Variants in SLC2A9 observed in about 807,000 individuals in gnomAD.
SLC2A9 encodes solute carrier family 2 member 9, also known as solute carrier family 2, facilitated glucose transporter member 9.
In SLC2A9, 39 loss-of-function variants were observed where a neutral mutation model predicts 50.6. The observed-to-expected ratio is 0.77, with a 90% CI of 0.60 to 1.01. The LOEUF is 1.01. Among genes scored for constraint, SLC2A9 ranks in the 50% least tolerant of loss-of-function variants. The pLI is 0.00. For synonymous variants in SLC2A9, 324 were observed against 276.9 expected (o/e 1.17, Z -1.69); for missense variants, 686 against 677.6 (o/e 1.01, Z -0.14).
rs572127349 is a variant in SLC2A9, at chr4:9,901,702, C to A, written c.1113+6533G>T. ...CCCACCAGCCCCTTGGCCCCTCAAGCGGCAGCCACATCCTTGCCCCTGCCT... is the reference window on the plus strand; with the variant it reads ...CCCACCAGCCCCTTGGCCCCTCAAGAGGCAGCCACATCCTTGCCCCTGCCT... On this transcript the variant is annotated intron_variant, in intron 8 of 11. Coordinates refer to ENST00000264784, the MANE Select transcript of SLC2A9 (RefSeq NM_020041.3). Among the ~76,000 whole-genome samples, 4 of 152,236 alleles carry A rather than the reference C, an allele frequency of 2.6e-5. No individual in the cohort carries two copies. In the South Asian group the frequency reaches 8.3e-4, roughly 32 times the overall value.
chr4:9,999,226 T>G (rs1322362635), intron 2 of SLC2A9, among the ~76,000 whole-genome samples: 1 of 152,034 alleles, frequency 6.6e-6, no homozygotes, highest in Non-Finnish European at 1.5e-5. Context: ...GGATAAATTT[T>G]TTTTGTTTGT....
At chr4:9,842,228 CT>C (rs1199933374) in intron 10 of SLC2A9, among the ~76,000 whole-genome samples, 5 of 152,078 alleles carry the variant, frequency 3.3e-5, no homozygotes, top group Non-Finnish European at 7.3e-5. Flanking sequence ...CCTAAAATCC[CT>C]TGATTATTAG....
chr4:10,037,181 G>A (rs888066745), intron 1 of SLC2A9, among the ~76,000 whole-genome samples: 1 of 152,164 alleles, frequency 6.6e-6, no homozygotes. Flanking sequence ...CCTCACAGCA[G>A]TATGCAACCA....
At position 9,905,676 on chromosome 4, in the gene SLC2A9, G is replaced by C. The variant is rs113899384; in HGVS notation, c.1113+2559C>G. 6.6e-3 allele frequency among the ~76,000 whole-genome samples: 1,011 copies of C among 152,342 alleles called. 9 individuals are homozygous for C. The highest frequency in any genetic ancestry group is 0.023 in the African/African-American group (955 of 41,582). Reference sequence around the variant, plus strand: ...GAGAAGGAGTGGCTTCTGGAGTCTGGAATGAATAAGAATGGCTTCCCGTGA... The same window carrying C: ...GAGAAGGAGTGGCTTCTGGAGTCTGCAATGAATAAGAATGGCTTCCCGTGA... On this transcript the variant is annotated intron_variant, in intron 8 of 11. Coordinates refer to ENST00000264784, the MANE Select transcript of SLC2A9 (RefSeq NM_020041.3).
At position 10,007,030 on chromosome 4, in the gene SLC2A9, C is replaced by G. The variant is rs74606663; in HGVS notation, c.250-10089G>C. 6.6e-5 allele frequency among the ~76,000 whole-genome samples: 10 copies of G among 152,288 alleles called. No homozygotes were observed. The East Asian group carries it at 1.9e-3, about 29-fold the overall frequency. On this transcript the variant is annotated intron_variant, in intron 2 of 11. Transcript: ENST00000264784. ...TAGAAGAGTTCTTTGGAGCTTGCCC[C>G]TGGTTTCCTCTGGACTTCACCCCTG...
At chr4:9,830,422 T>C (rs1177316702) in intron 11 of SLC2A9, among the ~76,000 whole-genome samples, 1 of 152,156 alleles carries the variant, frequency 6.6e-6, no homozygotes, top group Non-Finnish European at 1.5e-5. Flanking sequence ...TTAATATTAA[T>C]ACCTAGGTGA....
chr4:9,799,588 T>TAATCTCCATCCTCTGATGTGGACCAG (rs1721051478), intron 3 of SLC2A9, among the ~76,000 whole-genome samples: 1 of 151,868 alleles, frequency 6.6e-6, no homozygotes, highest in Non-Finnish European at 1.5e-5. Flanking sequence ...ACACAGACAT[T>TAATCTCCATCCTCTGATGTGGACCAG]CAGACCATAG....
intron 5 of SLC2A9, among the ~76,000 whole-genome samples, chr4:9,972,935 A>T (rs1208733558): frequency 6.6e-6 from 1 of 152,224 alleles, no homozygotes; most frequent in African/African-American, 2.4e-5. Context: ...AAAGAAAAGA[A>T]ACAGCTATAA....
chr4:9,948,506 G>A (rs945372272), intron 5 of SLC2A9, among the ~76,000 whole-genome samples: 1 of 152,194 alleles, frequency 6.6e-6, no homozygotes, highest in African/African-American at 2.4e-5. Context: ...GCTGCTGGGA[G>A]CATTACTGGC....
intron 1 of SLC2A9, among the ~76,000 whole-genome samples, chr4:9,774,074 A>C (rs1041524474): frequency 2.0e-5 from 3 of 149,252 alleles, no homozygotes; most frequent in African/African-American, 7.4e-5. Flanking sequence ...GCCTCACTGG[A>C]ATCTCTGCCT....
At chr4:9,927,021 T>A (rs1015619325) in intron 6 of SLC2A9, among the ~76,000 whole-genome samples, 1 of 143,944 alleles carries the variant, frequency 6.9e-6, no homozygotes, top group African/African-American at 2.6e-5. Context: ...AATCCATTTC[T>A]GTTGTTCGAT....
intron 10 of SLC2A9, chr4:9,879,383 T>C: frequency 2.7e-6 from 1 of 371,556 alleles, no homozygotes; most frequent in African/African-American, 3.3e-5. Context: ...TATGTGTGTA[T>C]GTGTGTGTGT....
chr4:9,779,848 G>T (rs989002093), exon 4 of SLC2A9: 5 of 152,012 alleles, frequency 3.3e-5, no homozygotes, highest in African/African-American at 1.2e-4. Context: ...ATAAAAGAAT[G>T]AATGACTGGA....
At chr4:9,788,756 C>G (rs1408896540) in intron 3 of SLC2A9, among the ~76,000 whole-genome samples, 2 of 152,118 alleles carry the variant, frequency 1.3e-5, no homozygotes, top group African/African-American at 4.8e-5. Context: ...AGTGGGAGCC[C>G]TTTAAGTTGA....
chr4:9,949,592 C>T (rs1428324562), intron 5 of SLC2A9, among the ~76,000 whole-genome samples: 1 of 152,210 alleles, frequency 6.6e-6, no homozygotes, highest in African/African-American at 2.4e-5. Flanking sequence ...CTCTTCTGAT[C>T]CCTGTACGGG....
downstream of SLC2A9, among the ~76,000 whole-genome samples, chr4:9,775,063 G>A (rs1342183197): frequency 6.6e-6 from 1 of 152,172 alleles, no homozygotes; most frequent in African/African-American, 2.4e-5. Flanking sequence ...ATAATGACGG[G>A]CACTTCTGGG....
intron 5 of SLC2A9, among the ~76,000 whole-genome samples, chr4:9,969,095 C>T (rs940118592): frequency 6.6e-6 from 1 of 151,990 alleles, no homozygotes; most frequent in Non-Finnish European, 1.5e-5. Flanking sequence ...CAGTCAGGCC[C>T]CTAGAAAGCC....
chr4:9,988,081 T>C (rs969218087), intron 3 of SLC2A9, among the ~76,000 whole-genome samples: 2 of 152,268 alleles, frequency 1.3e-5, no homozygotes, highest in Non-Finnish European at 2.9e-5. Flanking sequence ...TCTTCTCTGT[T>C]GCTCCTGGAC....
intron 3 of SLC2A9, chr4:9,782,338 G>C (rs749266929): frequency 6.2e-7 from 1 of 1,614,054 alleles, no homozygotes; most frequent in African/African-American, 1.3e-5. Context: ...TCGCCGAGGT[G>C]GCCGGTTACT....
Sources: allele counts gnomAD v4.1 joint callset (sites outside exome capture counted in the v4.1 genomes callset), GRCh38; gene constraint gnomAD v4.1.1; transcripts MANE v1.5; gene names NCBI Gene and HGNC (gene_info 2026-07-23, HGNC 2026-07-21).